DEPDC7: variants seen among roughly 807,000 people sequenced by gnomAD.
DEPDC7 encodes the protein DEP domain containing 7, also known as DEP domain-containing protein 7.
DEPDC7 carries 41 observed loss-of-function variants against 56.6 expected under a neutral mutation model. The observed-to-expected ratio is 0.72, with a 90% confidence interval of 0.56 to 0.94. The LOEUF is 0.94. Ranked by LOEUF, DEPDC7 falls within the 40% of genes least tolerant of loss-of-function variation. DEPDC7 has a pLI of 0.00. For synonymous variants in DEPDC7, 185 were observed against 208.8 expected (o/e 0.89, Z 0.98); for missense variants, 522 against 596.3 (o/e 0.88, Z 1.30).
chr11:33,024,644 A>G (rs1853558495), intron 1 of DEPDC7, among the ~76,000 whole-genome samples: 1 of 152,248 alleles, frequency 6.6e-6, no homozygotes, highest in South Asian at 2.1e-4. Flanking sequence ...GAATGCTGTA[A>G]GCAATTGTAA....
intron 1 of DEPDC7, among the ~76,000 whole-genome samples, chr11:33,018,877 T>C (rs1407701716): frequency 6.6e-6 from 1 of 152,240 alleles, no homozygotes; most frequent in Non-Finnish European, 1.5e-5. Flanking sequence ...TTTGCTCCTT[T>C]TGTTTTTAGT....
At chr11:33,016,614 G>A (rs780493194) in intron 1 of DEPDC7, 1 of 1,604,190 alleles carries the variant, frequency 6.2e-7, no homozygotes, top group South Asian at 1.1e-5. Context: ...TGTATAAGCA[G>A]TATTTTAGTG....
chr11:33,033,236 T>A (rs1757492353), intron 8 of DEPDC7, 26 bp from the exon 9 acceptor site: 1 of 1,502,740 alleles, frequency 6.7e-7, no homozygotes, highest in Admixed American at 2.2e-5. Context: ...AGTCATTAAC[T>A]GAACTTTTTA....
chr11:33,027,622 C>T, intron 2 of DEPDC7, 64 bp from the exon 3 acceptor site: 2 of 1,405,166 alleles, frequency 1.4e-6, no homozygotes, highest in Non-Finnish European at 9.3e-7. Context: ...ACTCTTAGCT[C>T]TCAAATACTA....
intron 1 of DEPDC7, 82 bp downstream of exon 1, chr11:33,016,110 G>T: frequency 7.9e-7 from 1 of 1,259,964 alleles, no homozygotes; most frequent in Non-Finnish European, 9.9e-7. Context: ...GGCGGGCGGC[G>T]TGGGGCGTTC....
Position 33,032,386 on chromosome 11 carries a change from CT to C in DEPDC7, c.1049del (p.Leu350Ter). ...ALEATQLLLK[L>X]LDFQNREEFR... Reference sequence around the variant, plus strand: ...AGAAGCTACCCAGCTCCTTCTAAAGCTTTTAGATTTCCAAAATAGAGAAGAA... The same window carrying C: ...AGAAGCTACCCAGCTCCTTCTAAAGCTTTAGATTTCCAAAATAGAGAAGAA... On this transcript the variant is annotated frameshift_variant, in exon 6 of 9. Transcript: ENST00000241051. LOFTEE classifies it high-confidence loss of function. 6.3e-7 allele frequency: 1 copy of C among 1,578,728 alleles called. No individual in the cohort carries two copies.
At chr11:33,023,232 A>C (rs1853541019) in intron 1 of DEPDC7, among the ~76,000 whole-genome samples, 1 of 151,462 alleles carries the variant, frequency 6.6e-6, no homozygotes, top group African/African-American at 2.4e-5. Flanking sequence ...TCTGTCTCAA[A>C]AAAAAAAAAA....
intron 1 of DEPDC7, chr11:33,016,637 T>G: frequency 6.3e-7 from 1 of 1,591,774 alleles, no homozygotes; most frequent in East Asian, 2.2e-5. Flanking sequence ...TAGAAGTTTT[T>G]GGCTAAAAAA....
intron 4 of DEPDC7, among the ~76,000 whole-genome samples, 167 bp from the exon 5 acceptor site, chr11:33,031,211 T>C (rs571344799): frequency 6.6e-6 from 1 of 152,260 alleles, no homozygotes; most frequent in African/African-American, 2.4e-5. Flanking sequence ...ATACGTGATC[T>C]AGCTATATAT....
At chr11:33,020,701 G>A (rs1164610442) in intron 1 of DEPDC7, among the ~76,000 whole-genome samples, 1 of 152,258 alleles carries the variant, frequency 6.6e-6, no homozygotes, top group South Asian at 2.1e-4. Flanking sequence ...GCAGTGGTGC[G>A]ATCCTAGCCC....
Position 33,027,763 on chromosome 11 carries a change from A to G in DEPDC7, c.542A>G (p.Lys181Arg). 1 of 1,578,710 alleles carries G rather than the reference A, an allele frequency of 6.3e-7. No homozygotes were observed. Among genetic ancestry groups the G allele is most frequent in the Admixed American group, 1.9e-5 (1 of 52,458 alleles). Residue 181 changes from lysine to arginine, a missense_variant, in exon 3 of 9, where the codon AAG becomes AGG. Coordinates refer to ENST00000241051, the MANE Select transcript of DEPDC7 (RefSeq NM_001077242.2). ...GACCTGTGGGAAAATCTGAGTTTAA[A>G]GCCTGCCAACTCCCCTCATGTAAAT... ...LEDLWENLSL[K>R]PANSPHVNIS...
chr11:33,022,844 A>G (rs980433632), intron 1 of DEPDC7, among the ~76,000 whole-genome samples: 48 of 152,348 alleles, frequency 3.2e-4, no homozygotes, highest in African/African-American at 1.1e-3. Context: ...TCAATTCTCC[A>G]TAATTCAGTT....
rs751614139 is a variant in DEPDC7, at chr11:33,027,698, A to T, written c.477A>T (p.Ala159=). ...KLYSPARYAD[A]LFKSSDIRSA... ...AAATTCATTTTAGGTATGCAGATGC[A>T]TTATTTAAGTCATCCGATATCAGAT... Residue 159 remains alanine, a synonymous_variant, in exon 3 of 9, where the codon GCA becomes GCT. Transcript: ENST00000241051. 6 of 1,525,012 alleles carry T rather than the reference A, an allele frequency of 3.9e-6. No homozygotes were observed. The highest frequency in any genetic ancestry group is 5.1e-5 in the Admixed American group (2 of 39,286). The allele number at this position is 1,525,012 out of a possible 1,614,324, so 94.5% of individuals were successfully genotyped here.
At chr11:33,030,104 C>T (rs894655865) in intron 4 of DEPDC7, among the ~76,000 whole-genome samples, 19 of 151,990 alleles carry the variant, frequency 1.3e-4, no homozygotes, top group East Asian at 1.9e-4. Flanking sequence ...GAACTACAGG[C>T]GCACGCCACC....
intron 2 of DEPDC7, chr11:33,026,258 C>G: frequency 1.7e-6 from 1 of 587,880 alleles, no homozygotes; most frequent in East Asian, 2.9e-5. Flanking sequence ...AAGCAGTCAA[C>G]ACACTTTGAT....
chr11:33,026,316 A>G (rs1564964598), intron 2 of DEPDC7: 1 of 447,036 alleles, frequency 2.2e-6, no homozygotes, highest in Non-Finnish European at 4.1e-6. Context: ...TTCTCATACC[A>G]CTTGGTATGA....
At chr11:33,016,078 C>A in intron 1 of DEPDC7, 50 bp downstream of exon 1, 2 of 1,372,538 alleles carry the variant, frequency 1.5e-6, no homozygotes, top group Non-Finnish European at 1.9e-6. Flanking sequence ...GGCTGGGGTG[C>A]GCGGGCTGGG....
chr11:33,016,191 G>T lies in DEPDC7; in HGVS notation c.73+163G>T, dbSNP rs1026650350. ...CTGCGACCACTTGGCCAACGCCCCC[G>T]CCGAGCGGGCGGATCGAGTTCCTCT... On this transcript the variant is annotated intron_variant, in intron 1 of 8. Transcript: ENST00000241051. 4.8e-4 allele frequency: 608 copies of T among 1,264,990 alleles called. 3 individuals carry two copies. The highest frequency in any genetic ancestry group is 3.9e-4 in the Non-Finnish European group (389 of 1,009,904). The allele number at this position is 1,264,990 out of a possible 1,614,324, so 78.4% of individuals were successfully genotyped here. A position where few individuals can be genotyped will look rare whatever the true frequency, so the allele number is the denominator to read the frequency against.
At chr11:33,017,637 G>T (rs755563118) in intron 1 of DEPDC7, among the ~76,000 whole-genome samples, 27 of 152,162 alleles carry the variant, frequency 1.8e-4, no homozygotes, top group Non-Finnish European at 3.7e-4. Flanking sequence ...TCACCCTTTA[G>T]TTGCCTTGTC....
Sources: allele counts gnomAD v4.1 joint callset (sites outside exome capture counted in the v4.1 genomes callset), GRCh38; gene constraint gnomAD v4.1.1; transcripts MANE v1.5; gene names NCBI Gene and HGNC (gene_info 2026-07-23, HGNC 2026-07-21).